Variants in SUPT3H observed in about 807,000 individuals in gnomAD.
The protein encoded by SUPT3H is SPT3 homolog, SAGA and STAGA complex component.
SUPT3H carries 44 observed loss-of-function variants against 44.3 expected under a neutral mutation model. That is an observed-to-expected ratio of 0.99 (90% CI 0.78 to 1.28). The LOEUF is 1.28. Among genes scored for constraint, SUPT3H ranks in the 50% most tolerant of loss-of-function variants. The probability of loss-of-function intolerance (pLI) is 0.00; values close to 1 mark genes in which losing one functional copy is unlikely to be tolerated. For missense variants in SUPT3H, 380 were observed against 387.1 expected (o/e 0.98, Z 0.15); for synonymous variants, 124 against 125.6 (o/e 0.99, Z 0.09).
In SUPT3H at chr6:44,915,922, C is replaced by T. The variant is rs550763736; in HGVS notation, c.912+16731G>A. 5.5e-4 allele frequency among the ~76,000 whole-genome samples: 84 copies of T among 152,252 alleles called. 1 individual carries two copies. In the South Asian group the frequency reaches 0.017, roughly 30 times the overall value. On this transcript the variant is annotated intron_variant, in intron 10 of 10. Transcript: ENST00000371459. ...TTGGACATATGTTCTCAGGACCTCC[C>T]AAGGGCTGCATCATGGGCCGTGGTT...
intron 11 of SUPT3H, among the ~76,000 whole-genome samples, chr6:44,821,083 T>C (rs1169765523): frequency 1.3e-5 from 2 of 152,282 alleles, no homozygotes; most frequent in Non-Finnish European, 2.9e-5. Flanking sequence ...ATTCTTCGCC[T>C]CAAGCAATCC....
At chr6:44,856,634 C>A (rs1168183486) in intron 10 of SUPT3H, among the ~76,000 whole-genome samples, 1 of 152,206 alleles carries the variant, frequency 6.6e-6, no homozygotes, top group Non-Finnish European at 1.5e-5. Flanking sequence ...ATTTCAAATA[C>A]TCACATAGCA....
At chr6:45,002,278 T>C (rs1782107898) in intron 6 of SUPT3H, among the ~76,000 whole-genome samples, 1 of 152,076 alleles carries the variant, frequency 6.6e-6, no homozygotes, top group Admixed American at 6.6e-5. Flanking sequence ...AGGTCTACAG[T>C]AGCCTGCTAT....
intron 2 of SUPT3H, chr6:45,321,975 TA>T (rs1785564541): frequency 3.5e-6 from 3 of 850,452 alleles, no homozygotes; most frequent in South Asian, 3.3e-5. Context: ...AATCATCAAG[TA>T]AAAAGTCTTG....
intron 2 of SUPT3H, among the ~76,000 whole-genome samples, chr6:45,354,622 C>T (rs920810994): frequency 4.9e-5 from 5 of 101,068 alleles, no homozygotes; most frequent in East Asian, 4.3e-4. Context: ...CACAAATGCA[C>T]GCACACATAC....
In SUPT3H at chr6:45,028,174, C is replaced by A. The variant is rs550101746; in HGVS notation, c.187-7542G>T. On this transcript the variant is annotated intron_variant, in intron 3 of 10. Transcript: ENST00000371459. ...TGTCTATTAAATGAATGCTGGTGGA[C>A]TTGTGTCTAGGATTTCTAATACTGG... is the stretch of plus-strand genomic sequence containing the variant. Among the ~76,000 whole-genome samples the A allele has an allele frequency of 2.6e-5, 4 of 152,264 alleles. No homozygotes were observed. The East Asian group carries it at 7.7e-4, about 29-fold the overall frequency.
intron 6 of SUPT3H, among the ~76,000 whole-genome samples, chr6:44,988,384 C>T (rs551239911): frequency 7.3e-5 from 11 of 150,902 alleles, no homozygotes; most frequent in African/African-American, 2.7e-4. Context: ...AACTAAAATA[C>T]CTAATAAAGG....
intron 10 of SUPT3H, among the ~76,000 whole-genome samples, chr6:44,904,794 A>G (rs1248427428): frequency 1.3e-4 from 20 of 152,200 alleles, no homozygotes; most frequent in Non-Finnish European, 2.2e-4. Flanking sequence ...AGTAACCAAA[A>G]CAGCATGGTA....
At chr6:44,959,283 A>G (rs966739619) in intron 7 of SUPT3H, among the ~76,000 whole-genome samples, 2 of 152,194 alleles carry the variant, frequency 1.3e-5, no homozygotes, top group African/African-American at 4.8e-5. Flanking sequence ...AGGACTTACA[A>G]ACTTGCAGAG....
intron 2 of SUPT3H, among the ~76,000 whole-genome samples, chr6:45,221,553 T>C (rs1766058850): frequency 6.6e-6 from 1 of 152,118 alleles, no homozygotes; most frequent in African/African-American, 2.4e-5. Context: ...TACTCAAAAG[T>C]ATAAAATGTT....
At chr6:45,360,396 T>C (rs763797862) in intron 2 of SUPT3H, among the ~76,000 whole-genome samples, 4 of 152,234 alleles carry the variant, frequency 2.6e-5, no homozygotes, top group Non-Finnish European at 4.4e-5. Context: ...GGAATTACAG[T>C]ATGTTCGTAC....
intron 3 of SUPT3H, among the ~76,000 whole-genome samples, chr6:45,053,872 G>A (rs1172664779): frequency 7.0e-5 from 10 of 143,350 alleles, no homozygotes; most frequent in South Asian, 4.5e-4. Flanking sequence ...CTGAGGTCAC[G>A]CCACTGCACT....
At chr6:44,997,141 CT>C (rs1781379101) in intron 6 of SUPT3H, among the ~76,000 whole-genome samples, 1 of 151,672 alleles carries the variant, frequency 6.6e-6, no homozygotes, top group Non-Finnish European at 1.5e-5. Flanking sequence ...ATGAAAATTT[CT>C]TGGCTATCCT....
intron 2 of SUPT3H, among the ~76,000 whole-genome samples, chr6:45,114,335 A>G (rs1002107674): frequency 1.3e-5 from 2 of 150,232 alleles, no homozygotes; most frequent in Admixed American, 6.6e-5. Context: ...ATAACTAATG[A>G]ATTACTAAAT....
intron 5 of SUPT3H, among the ~76,000 whole-genome samples, chr6:45,012,961 T>C (rs563237154): frequency 1.3e-5 from 2 of 152,256 alleles, no homozygotes; most frequent in East Asian, 1.9e-4. Context: ...ACTGTAGTTT[T>C]AGTCAGGGGG....
chr6:44,922,941 A>G (rs889549174), intron 10 of SUPT3H, among the ~76,000 whole-genome samples: 7 of 152,134 alleles, frequency 4.6e-5, no homozygotes, highest in African/African-American at 7.2e-5. Context: ...TTTTAAAGCC[A>G]TATTTTCCTT....
chr6:45,249,909 T>C (rs1229369919), intron 2 of SUPT3H, among the ~76,000 whole-genome samples: 1 of 152,062 alleles, frequency 6.6e-6, no homozygotes, highest in Non-Finnish European at 1.5e-5. Flanking sequence ...TTATACCAGA[T>C]CCCTTCTGCT....
At chr6:45,312,356 T>C (rs982881990) in intron 2 of SUPT3H, among the ~76,000 whole-genome samples, 26 of 151,390 alleles carry the variant, frequency 1.7e-4, no homozygotes, top group African/African-American at 5.3e-4. Flanking sequence ...CCACAAAATA[T>C]ACAAAAAAAT....
chr6:45,221,993 T>A (rs1766141370), intron 2 of SUPT3H, among the ~76,000 whole-genome samples: 1 of 152,056 alleles, frequency 6.6e-6, no homozygotes, highest in African/African-American at 2.4e-5. Flanking sequence ...GGCTCACAGA[T>A]TTTTTAGAAG....
Sources: gnomAD v4.1 joint callset for allele counts (sites outside exome capture counted in the v4.1 genomes callset) on GRCh38, gnomAD v4.1.1 for gene constraint, MANE v1.5 for transcripts, NCBI Gene and HGNC (gene_info 2026-07-23, HGNC 2026-07-21) for gene names.